Variants in PRELID2 observed in about 807,000 individuals in gnomAD.
PRELID2 encodes PRELI domain-containing protein 2.
A neutral mutation model predicts 28.4 loss-of-function variants in PRELID2; 25 were observed. The observed-to-expected ratio is 0.88, with a 90% CI of 0.64 to 1.23. The LOEUF (loss-of-function observed/expected upper bound fraction) is 1.23. Among genes scored for constraint, PRELID2 ranks in the 50% most tolerant of loss-of-function variants. The pLI, the probability that PRELID2 is intolerant of heterozygous loss-of-function variation, is 0.00. For synonymous variants in PRELID2, 76 were observed against 71.6 expected (o/e 1.06, Z -0.31); for missense variants, 201 against 214.4 (o/e 0.94, Z 0.39).
intron 1 of PRELID2, among the ~76,000 whole-genome samples, chr5:145,611,012 A>C (rs1216172526): frequency 6.7e-6 from 1 of 148,466 alleles, no homozygotes; most frequent in Non-Finnish European, 1.5e-5. Flanking sequence ...TAATAAATAA[A>C]TATTAAAATA....
the PRELID2 span, among the ~76,000 whole-genome samples, chr5:145,260,658 T>C: frequency 6.6e-6 from 1 of 152,178 alleles, no homozygotes; most frequent in African/African-American, 2.4e-5. Flanking sequence ...TGTGTAATAA[T>C]CACATCAGAG....
intron 1 of PRELID2, among the ~76,000 whole-genome samples, chr5:145,535,307 T>C (rs1286653453): frequency 6.6e-6 from 1 of 151,976 alleles, no homozygotes; most frequent in Non-Finnish European, 1.5e-5. Context: ...TTTTTATCAC[T>C]ATTATACTGT....
At chr5:145,514,689 A>G (rs1256225368) in intron 1 of PRELID2, among the ~76,000 whole-genome samples, 3 of 152,208 alleles carry the variant, frequency 2.0e-5, no homozygotes, top group African/African-American at 7.2e-5. Context: ...AATCAATAGC[A>G]TATTCATTCT....
At chr5:145,502,838 CA>C (rs1752371638) in intron 1 of PRELID2, among the ~76,000 whole-genome samples, 1 of 133,120 alleles carries the variant, frequency 7.5e-6, no homozygotes, top group African/African-American at 3.0e-5. Flanking sequence ...TCTTGATCCC[CA>C]GAAGTTTTTT....
intron 1 of PRELID2, among the ~76,000 whole-genome samples, chr5:145,481,916 G>T (rs1752165848): frequency 6.6e-6 from 1 of 152,130 alleles, no homozygotes; most frequent in Non-Finnish European, 1.5e-5. Context: ...TGTTACAGTT[G>T]GTATTAGTTT....
chr5:145,293,768 G>C, the PRELID2 span, among the ~76,000 whole-genome samples: 1 of 152,184 alleles, frequency 6.6e-6, no homozygotes, highest in Non-Finnish European at 1.5e-5. Flanking sequence ...AAGCATAATA[G>C]TGAAGTTAGA....
In PRELID2 at chr5:145,533,413, A is replaced by T. The variant is rs547087048; in HGVS notation, n.71-60098T>A. Among the ~76,000 whole-genome samples, 117 of 152,236 alleles carry T rather than the reference A, an allele frequency of 7.7e-4. 1 individual carries two copies. Among genetic ancestry groups the T allele is most frequent in the African/African-American group, 2.6e-3 (110 of 41,570 alleles). On this transcript the variant is annotated intron_variant and non_coding_transcript_variant, in intron 1 of 2. Transcript: ENST00000510259. Reference sequence around the variant, plus strand: ...AATAATTGGGATAGCATGAAAGAAAATATCAAAGTTATTGTTGCTGTTTTC... The same window carrying T: ...AATAATTGGGATAGCATGAAAGAAATTATCAAAGTTATTGTTGCTGTTTTC...
intron 1 of PRELID2, among the ~76,000 whole-genome samples, chr5:145,619,787 G>A (rs966145710): frequency 6.6e-6 from 1 of 152,050 alleles, no homozygotes; most frequent in Non-Finnish European, 1.5e-5. Flanking sequence ...ACCTGTACAG[G>A]CAACTTGAAA....
chr5:145,365,609 G>A, the PRELID2 span, among the ~76,000 whole-genome samples: 1 of 151,916 alleles, frequency 6.6e-6, no homozygotes, highest in Non-Finnish European at 1.5e-5. Context: ...CAGCAATAAT[G>A]TATTGAAATA....
the PRELID2 span, among the ~76,000 whole-genome samples, chr5:145,393,293 T>C: frequency 6.6e-6 from 1 of 152,140 alleles, no homozygotes; most frequent in Non-Finnish European, 1.5e-5. Context: ...AATGTCATGC[T>C]CTTCAGGGGA....
chr5:145,385,530 G>A, the PRELID2 span, among the ~76,000 whole-genome samples: 5 of 152,082 alleles, frequency 3.3e-5, no homozygotes, highest in East Asian at 5.8e-4. Context: ...GATCTAGTTT[G>A]GAAACCAATT....
chr5:145,667,241 C>A (rs1218620287), intron 1 of PRELID2, among the ~76,000 whole-genome samples: 7 of 151,972 alleles, frequency 4.6e-5, no homozygotes. Flanking sequence ...TGGAACTCCC[C>A]AAAGTCTCCC....
chr5:145,572,358 G>A (rs964273628), intron 1 of PRELID2, among the ~76,000 whole-genome samples: 29 of 152,186 alleles, frequency 1.9e-4, no homozygotes, highest in Admixed American at 1.6e-3. Flanking sequence ...CTGGCAATTG[G>A]TCATTCATAA....
At chr5:145,659,105 G>A (rs556258619) in intron 1 of PRELID2, among the ~76,000 whole-genome samples, 4 of 152,244 alleles carry the variant, frequency 2.6e-5, no homozygotes, top group Admixed American at 6.5e-5. Context: ...GGGAAGGGTC[G>A]GATCACACGC....
At chr5:145,711,859 C>T (rs1755705047) in intron 1 of PRELID2, among the ~76,000 whole-genome samples, 1 of 152,200 alleles carries the variant, frequency 6.6e-6, no homozygotes, top group African/African-American at 2.4e-5. Flanking sequence ...AGGGGCAGGA[C>T]TGAAGACCAA....
At chr5:145,427,513 C>G in the PRELID2 span, among the ~76,000 whole-genome samples, 3 of 152,130 alleles carry the variant, frequency 2.0e-5, no homozygotes, top group African/African-American at 7.2e-5. Flanking sequence ...AATCAGTGAT[C>G]AGAGCACAGT....
chr5:145,656,128 G>A (rs1754388714), intron 1 of PRELID2, among the ~76,000 whole-genome samples: 1 of 152,086 alleles, frequency 6.6e-6, no homozygotes, highest in African/African-American at 2.4e-5. Flanking sequence ...AGACCTTTAT[G>A]CAACCAACAG....
intron 1 of PRELID2, among the ~76,000 whole-genome samples, chr5:145,635,065 T>TCAAAA (rs1242048738): frequency 6.6e-6 from 1 of 152,210 alleles, no homozygotes; most frequent in Admixed American, 6.5e-5. Context: ...AATGCTACTA[T>TCAAAA]CAAAACACTT....
At chr5:145,814,722 A>G (rs1006049677) in intron 4 of PRELID2, among the ~76,000 whole-genome samples, 2 of 152,214 alleles carry the variant, frequency 1.3e-5, no homozygotes, top group Non-Finnish European at 2.9e-5. Context: ...AAAAAAAAAC[A>G]GATAATTATC....
Sources: allele counts gnomAD v4.1 joint callset (sites outside exome capture counted in the v4.1 genomes callset), GRCh38; gene constraint gnomAD v4.1.1; transcripts MANE v1.5; gene names NCBI Gene and HGNC (gene_info 2026-07-23, HGNC 2026-07-21).